ANKIB1: variants seen among roughly 807,000 people sequenced by gnomAD.
The protein encoded by ANKIB1 is ankyrin repeat and IBR domain containing 1.
A neutral mutation model predicts 122.1 loss-of-function variants in ANKIB1; 43 were observed. The ratio of observed to expected loss-of-function variants is 0.35; its 90% confidence interval spans 0.28 to 0.45. ANKIB1 has a LOEUF of 0.45. Among genes scored for constraint, ANKIB1 ranks in the 20% least tolerant of loss-of-function variants. ANKIB1 has a pLI of 1.00. For synonymous variants in ANKIB1, 390 were observed against 442.0 expected, an observed-to-expected ratio of 0.88 and a Z score of 1.48; for missense variants, 992 against 1,329.5, an observed-to-expected ratio of 0.75 and a Z score of 3.95.
Position 92,389,973 on chromosome 7 carries a change from G to A in ANKIB1, c.1909G>A (p.Glu637Lys), listed in dbSNP as rs1465290946. 2.5e-6 allele frequency: 4 copies of A among 1,586,282 alleles called. No homozygotes were observed. The highest frequency in any genetic ancestry group is 3.4e-6 in the Non-Finnish European group (4 of 1,171,580). ...ACTGTGCCTCAATTACTTTTTAGCT[G>A]AAGGAGGCTGTCCAGATACCACTTT... ...EQLSRALKET[E>K]GGCPDTTFIE... Residue 637 changes from glutamate to lysine, a missense_variant and splice_region_variant, in exon 15 of 20, where the codon GAA (glutamate) becomes AAA (lysine). Physicochemically the swap from Glu to Lys is moderately conservative, Grantham distance 56. Around this residue, in one of 4 missense-constraint regions of ANKIB1, gnomAD observed 521 missense variants for 777.7 expected, o/e 0.67. Coordinates refer to ENST00000265742, the MANE Select transcript of ANKIB1 (RefSeq NM_019004.2).
At chr7:92,258,130 A>G (rs1801486746) in intron 1 of ANKIB1, among the ~76,000 whole-genome samples, 1 of 152,214 alleles carries the variant, frequency 6.6e-6, no homozygotes, top group Non-Finnish European at 1.5e-5. Context: ...GGGAGAATAA[A>G]GGTTGGGCTG....
chr7:92,314,063 C>T lies in ANKIB1; in HGVS notation c.487-5267C>T, dbSNP rs10250316. On this transcript the variant is annotated intron_variant, in intron 3 of 19. Coordinates refer to ENST00000265742, the MANE Select transcript of ANKIB1 (RefSeq NM_019004.2). ...CTGTAATCCCACTACTTTGGTTGGC[C>T]GAGGCGGGAGCGTATCTTGAGCCCA... 3.3e-3 allele frequency among the ~76,000 whole-genome samples: 498 copies of T among 152,002 alleles called. 5 individuals are homozygous for T. The highest frequency in any genetic ancestry group is 0.012 in the African/African-American group (478 of 41,460).
intron 1 of ANKIB1, among the ~76,000 whole-genome samples, chr7:92,274,750 C>T (rs1186856520): frequency 2.6e-5 from 4 of 151,996 alleles, no homozygotes; most frequent in African/African-American, 9.7e-5. Context: ...AGTTTGAGAC[C>T]AGCTTGGGCA....
chr7:92,310,096 C>G (rs1331175162), intron 3 of ANKIB1, among the ~76,000 whole-genome samples: 2 of 151,554 alleles, frequency 1.3e-5, no homozygotes, highest in South Asian at 2.1e-4. Context: ...GTTTTACCAG[C>G]ATTATTTTTT....
At chr7:92,256,255 T>A (rs1372522269) in intron 1 of ANKIB1, among the ~76,000 whole-genome samples, 2 of 152,230 alleles carry the variant, frequency 1.3e-5, no homozygotes, top group Admixed American at 6.5e-5. Context: ...ATCCTGGTCT[T>A]AGCAGGGACT....
intron 3 of ANKIB1, among the ~76,000 whole-genome samples, chr7:92,311,716 C>A (rs564185197): frequency 6.7e-6 from 1 of 148,702 alleles, no homozygotes; most frequent in Non-Finnish European, 1.5e-5. Context: ...CTGTAATAAG[C>A]GCCCCCCCCA....
At chr7:92,369,490 C>CCTTCCAATCCATACACAGAGCCA (rs1562794888) in intron 10 of ANKIB1, among the ~76,000 whole-genome samples, 1 of 152,156 alleles carries the variant, frequency 6.6e-6, no homozygotes, top group African/African-American at 2.4e-5. Context: ...GGTGCTCAGC[C>CCTTCCAATCCATACACAGAGCCA]CTTCCAATCC....
intron 14 of ANKIB1, among the ~76,000 whole-genome samples, chr7:92,389,440 A>G (rs1291061696): frequency 6.6e-6 from 1 of 151,814 alleles, no homozygotes; most frequent in Non-Finnish European, 1.5e-5. Flanking sequence ...CATCTTCCTC[A>G]TTCTTCCTCC....
intron 3 of ANKIB1, among the ~76,000 whole-genome samples, chr7:92,314,680 A>G (rs1217128763): frequency 6.6e-6 from 1 of 152,224 alleles, no homozygotes; most frequent in Non-Finnish European, 1.5e-5. Flanking sequence ...TCTACCTAAT[A>G]TGACTATCAA....
intron 9 of ANKIB1, among the ~76,000 whole-genome samples, chr7:92,357,691 C>T (rs1803847393): frequency 2.1e-5 from 3 of 146,148 alleles, no homozygotes; most frequent in African/African-American, 5.1e-5. Context: ...GCCAAGATCA[C>T]GCCACTGCAC....
chr7:92,248,299 A>G (rs938858581), intron 1 of ANKIB1, among the ~76,000 whole-genome samples: 1 of 152,062 alleles, frequency 6.6e-6, no homozygotes, highest in South Asian at 2.1e-4. Context: ...ACTGTGCTGT[A>G]AACAAGGGCT....
intron 10 of ANKIB1, 93 bp from the exon 11 acceptor site, chr7:92,371,380 GAGAC>G (rs1399855315): frequency 1.6e-5 from 16 of 1,011,474 alleles, no homozygotes; most frequent in African/African-American, 4.9e-5. Context: ...TTAAAATTGA[GAGAC>G]AGCCTGCAAA....
At chr7:92,371,439 A>T in intron 10 of ANKIB1, 38 bp from the exon 11 acceptor site, 5 of 1,574,100 alleles carry the variant, frequency 3.2e-6, no homozygotes, top group Non-Finnish European at 4.3e-6. Context: ...TTGTACACTA[A>T]ATCATTTATT....
chr7:92,268,875 T>A (rs1470834333), intron 1 of ANKIB1, among the ~76,000 whole-genome samples: 1 of 152,180 alleles, frequency 6.6e-6, no homozygotes, highest in Non-Finnish European at 1.5e-5. Context: ...TTACGTTAAA[T>A]TTTTGCTTAG....
At chr7:92,355,482 GA>G (rs1277468818) in intron 9 of ANKIB1, among the ~76,000 whole-genome samples, 6 of 152,016 alleles carry the variant, frequency 3.9e-5, no homozygotes, top group Non-Finnish European at 8.8e-5. Context: ...ACCTTATTTG[GA>G]ATTTCTCTTC....
At position 92,398,803 on chromosome 7, in the gene ANKIB1, T is replaced by C. The variant is rs746361886; in HGVS notation, c.3124T>C (p.Leu1042=). The C allele has an allele frequency of 7.5e-6, 12 of 1,609,730 alleles. No homozygotes were observed. Among genetic ancestry groups the C allele is most frequent in the African/African-American group, 1.3e-5 (1 of 74,816 alleles). ...AGGAACCCAGATAGAAGAAAATCCTTTGGAAGAAAATATTCTGGCGGGGGA... is the reference window on the plus strand; with the variant it reads ...AGGAACCCAGATAGAAGAAAATCCTCTGGAAGAAAATATTCTGGCGGGGGA... ...GRGTQIEENP[L]EENILAGEAA... Residue 1042 remains leucine (L), a synonymous_variant, in exon 20 of 20, where the codon TTG becomes CTG. Coordinates refer to ENST00000265742, the MANE Select transcript of ANKIB1 (RefSeq NM_019004.2).
chr7:92,350,361 A>G (rs757384861), intron 7 of ANKIB1, among the ~76,000 whole-genome samples: 7 of 152,198 alleles, frequency 4.6e-5, no homozygotes, highest in Non-Finnish European at 1.0e-4. Context: ...AAATAAAAAT[A>G]CTTTTTCAGA....
At position 92,390,122 on chromosome 7, in the gene ANKIB1, A is replaced by AT; in HGVS notation, c.2052+13dup. On this transcript the variant is annotated splice_region_variant and intron_variant, in intron 15 of 19. Coordinates refer to ENST00000265742, the MANE Select transcript of ANKIB1 (RefSeq NM_019004.2). ...AAATTTTTGAACTAATGCAAGTAAG[A>AT]TTTTTTTAATTACATTTAAATGGCA... 3 of 1,547,798 alleles carry AT rather than the reference A, an allele frequency of 1.9e-6. No homozygotes were observed. The highest frequency in any genetic ancestry group is 2.6e-6 in the Non-Finnish European group (3 of 1,151,974).
chr7:92,281,413 C>A (rs1468997556), intron 1 of ANKIB1, among the ~76,000 whole-genome samples: 1 of 152,216 alleles, frequency 6.6e-6, no homozygotes, highest in African/African-American at 2.4e-5. Flanking sequence ...AGTTCCCAGA[C>A]ACCAGCCATG....
Sources: allele counts gnomAD v4.1 joint callset (sites outside exome capture counted in the v4.1 genomes callset), GRCh38; gene constraint gnomAD v4.1.1; regional missense constraint gnomAD v4.1.1; transcripts MANE v1.5; gene names NCBI Gene and HGNC (gene_info 2026-07-23, HGNC 2026-07-21).